Variants in CPSF3 observed in about 807,000 individuals in gnomAD.
CPSF3 encodes cleavage and polyadenylation specific factor 3.
CPSF3 carries 57 observed loss-of-function variants against 84.1 expected under a neutral mutation model. That is an observed-to-expected ratio of 0.68 (90% confidence interval 0.55 to 0.85). The LOEUF is 0.85. Ranked by LOEUF, CPSF3 falls within the 40% of genes least tolerant of loss-of-function variation. The pLI, the probability that CPSF3 is intolerant of heterozygous loss-of-function variation, is 0.00. For synonymous variants in CPSF3, 275 were observed against 278.1 expected, an observed-to-expected ratio of 0.99 and a Z score of 0.11; for missense variants, 522 against 838.8, an observed-to-expected ratio of 0.62 and a Z score of 4.66.
intron 16 of CPSF3, among the ~76,000 whole-genome samples, chr2:9,469,336 A>G (rs6738526): frequency 0.069 from 10,539 of 152,192 alleles, 1,257 homozygotes; most frequent in African/African-American, 0.24. Flanking sequence ...CCCACAGGCT[A>G]TCCTGGGACC....
At chr2:9,429,650 G>A (rs548146997) in intron 2 of CPSF3, among the ~76,000 whole-genome samples, 25 of 152,154 alleles carry the variant, frequency 1.6e-4, no homozygotes, top group African/African-American at 5.1e-4. Flanking sequence ...GATTTAATTC[G>A]TTGTTAGAAT....
In CPSF3 at chr2:9,455,751, T is replaced by C; in HGVS notation, c.1597T>C (p.Leu533=). 1 of 1,610,466 alleles carries C rather than the reference T, an allele frequency of 6.2e-7. No homozygotes were observed. The highest frequency in any genetic ancestry group is 1.1e-5 in the South Asian group (1 of 90,978). ...FNLLCYQLQK[L]TGDVEELEIQ... is the part of the protein sequence containing the mutation. ...TTTGCTCTGTTACCAGCTGCAGAAA[T>C]TGACAGGTGTGTGTGTGTACTGAAA... is the stretch of plus-strand genomic sequence containing the variant. Residue 533 remains leucine, a synonymous_variant, in exon 13 of 18, where the codon TTG becomes CTG. Coordinates refer to ENST00000238112, the MANE Select transcript of CPSF3 (RefSeq NM_016207.4).
intron 11 of CPSF3, among the ~76,000 whole-genome samples, chr2:9,452,359 C>A (rs188175901): frequency 6.6e-6 from 1 of 151,176 alleles, no homozygotes; most frequent in Admixed American, 6.6e-5. Flanking sequence ...GTGGGTTTCA[C>A]GTTTGTAGTA....
chr2:9,455,819 T>G, intron 13 of CPSF3, 62 bp downstream of exon 13: 1 of 1,186,730 alleles, frequency 8.4e-7, no homozygotes, highest in Non-Finnish European at 1.2e-6. Flanking sequence ...TAATTTTCTA[T>G]CTAGAAAAGA....
At chr2:9,452,838 G>T in intron 11 of CPSF3, 75 bp from the exon 12 acceptor site, 1 of 893,158 alleles carries the variant, frequency 1.1e-6, no homozygotes, top group South Asian at 1.6e-5. Flanking sequence ...TCTTCATTAT[G>T]ATGAACTGCA....
chr2:9,430,464 T>C (rs1680547807), intron 3 of CPSF3, among the ~76,000 whole-genome samples: 1 of 152,230 alleles, frequency 6.6e-6, no homozygotes, highest in South Asian at 2.1e-4. Context: ...GTTAAAATGT[T>C]TGCTGTAATT....
chr2:9,449,303 T>C (rs1410692254), intron 11 of CPSF3, among the ~76,000 whole-genome samples: 3 of 151,962 alleles, frequency 2.0e-5, no homozygotes, highest in African/African-American at 7.3e-5. Context: ...GGCGGGAGAA[T>C]CCCTTGAACC....
intron 5 of CPSF3, 57 bp downstream of exon 5, chr2:9,432,745 C>A (rs1416196994): frequency 2.5e-5 from 34 of 1,340,398 alleles, no homozygotes; most frequent in Non-Finnish European, 3.3e-5. Flanking sequence ...AGCTTTGTGC[C>A]ACCAAGTACT....
At chr2:9,451,935 C>T (rs927616978) in intron 11 of CPSF3, among the ~76,000 whole-genome samples, 2 of 151,994 alleles carry the variant, frequency 1.3e-5, no homozygotes, top group African/African-American at 4.8e-5. Flanking sequence ...CCAGGATGGT[C>T]TCAATCTCGT....
At position 9,452,946 on chromosome 2, in the gene CPSF3, C is replaced by T; in HGVS notation, c.1429C>T (p.Gln477Ter). The T allele has an allele frequency of 1.2e-6, 2 of 1,608,522 alleles. No homozygotes were observed. The highest frequency in any genetic ancestry group is 1.1e-5 in the South Asian group (1 of 89,174). The stretch of plus-strand genomic sequence containing the variant: ...ATTTTTAGCAGACAAAAAACCAGAA[C>T]AAGGCCAGCGGGTCTCAGGAATACT... Reference protein sequence around the residue: ...MGFLADKKPEQGQRVSGILVK... With the variant: ...MGFLADKKPE Residue 477 changes from glutamine (Q) to a stop codon, truncating the protein, a stop_gained, in exon 12 of 18, where the codon CAA (glutamine) becomes TAA (stop). Coordinates refer to ENST00000238112, the MANE Select transcript of CPSF3 (RefSeq NM_016207.4). LOFTEE classifies it high-confidence loss of function.
chr2:9,433,733 C>T, intron 5 of CPSF3, 138 bp from the exon 6 acceptor site: 1 of 629,726 alleles, frequency 1.6e-6, no homozygotes, highest in Non-Finnish European at 2.9e-6. Context: ...GAATTGGACA[C>T]AAGCACTGCA....
chr2:9,442,387 G>T (rs1341717107), intron 9 of CPSF3, among the ~76,000 whole-genome samples: 1 of 152,202 alleles, frequency 6.6e-6, no homozygotes, highest in Non-Finnish European at 1.5e-5. Context: ...AGCTCTTAGG[G>T]ATGTAGAAAT....
In CPSF3 at chr2:9,440,549, T is replaced by C. The variant is rs1195782622; in HGVS notation, c.819T>C (p.Ser273=). ...ACATTCCAATATACTATGCATCATC[T>C]TTGGCCAAGAAGTGTATGGCAGTGT... The part of the protein sequence containing the change: ...LHDIPIYYAS[S]LAKKCMAVYQ... Residue 273 remains serine, a synonymous_variant, in exon 8 of 18, where the codon TCT becomes TCC. Transcript: ENST00000238112. 6.2e-7 allele frequency: 1 copy of C among 1,614,208 alleles called. No individual in the cohort carries two copies. The highest frequency in any genetic ancestry group is 1.7e-5 in the Admixed American group (1 of 60,014).
In CPSF3 at chr2:9,432,655, C is replaced by A; in HGVS notation, c.486C>A (p.Ala162=). The A allele has an allele frequency of 6.4e-7, 1 of 1,555,848 alleles. No homozygotes were observed. The highest frequency in any genetic ancestry group is 8.8e-7 in the Non-Finnish European group (1 of 1,137,730). ...WCYHAGHVLG[A]AMFMIEIAGV... is the part of the protein sequence containing the mutation. ...ACCATGCAGGTCACGTCCTAGGAGC[C>A]GCCATGTTCATGATTGAGATCGCAG... The change falls in exon 5 of 18, where the codon GCC becomes GCA. Residue 162 remains alanine, a synonymous_variant. Transcript: ENST00000238112.
intron 1 of CPSF3, among the ~76,000 whole-genome samples, chr2:9,427,886 G>C (rs1460821243): frequency 6.6e-6 from 1 of 151,084 alleles, no homozygotes; most frequent in Non-Finnish European, 1.5e-5. Flanking sequence ...AAATTATTAA[G>C]AAGAAACAAA....
At chr2:9,443,693 A>AG (rs34762720) in intron 10 of CPSF3, 32 bp downstream of exon 10, 292,931 of 1,606,214 alleles carry the variant, frequency 0.18, 29,054 homozygotes, top group Middle Eastern at 0.29. Flanking sequence ...ATTGTATTAA[A>AG]GGGAAAAAAA....
At chr2:9,436,774 A>AAATAAAAAAATAAAAAATAAT (rs1553343008) in intron 7 of CPSF3, among the ~76,000 whole-genome samples, 4 of 143,002 alleles carry the variant, frequency 2.8e-5, no homozygotes, top group African/African-American at 5.2e-5. Flanking sequence ...CCATCTCAAA[A>AAATAAAAAAATAAAAAATAAT]AATAATAATA....
intron 8 of CPSF3, 44 bp downstream of exon 8, chr2:9,440,710 C>A (rs1451967251): frequency 6.3e-7 from 1 of 1,597,744 alleles, no homozygotes; most frequent in South Asian, 1.1e-5. Context: ...AAAACCAAAT[C>A]AGTCATTAGT....
Position 9,455,729 on chromosome 2 carries a change from G to A in CPSF3, c.1575G>A (p.Leu525=), listed in dbSNP as rs370630513. 1.7e-5 allele frequency: 28 copies of A among 1,613,520 alleles called. No homozygotes were observed. In the African/African-American group the frequency reaches 2.7e-4, roughly 15 times the overall value. ...QAIPYTGPFN[L]LCYQLQKLTG... is the part of the protein sequence containing the mutation. ...TTCCATATACTGGTCCCTTTAATTT[G>A]CTCTGTTACCAGCTGCAGAAATTGA... Residue 525 remains leucine (L), a synonymous_variant, in exon 13 of 18, where the codon TTG becomes TTA. Coordinates refer to ENST00000238112, the MANE Select transcript of CPSF3 (RefSeq NM_016207.4).
Sources: gnomAD v4.1 joint callset for allele counts (sites outside exome capture counted in the v4.1 genomes callset) on GRCh38, gnomAD v4.1.1 for gene constraint, MANE v1.5 for transcripts, NCBI Gene and HGNC (gene_info 2026-07-23, HGNC 2026-07-21) for gene names.